The following MGRN1 variants were observed in gnomAD, a reference collection of about 807,000 sequenced individuals.
MGRN1 encodes E3 ubiquitin-protein ligase MGRN1.
Under a neutral mutation model 69.2 loss-of-function variants are expected in MGRN1, and 29 were observed. The observed-to-expected ratio is 0.42, with a 90% CI of 0.31 to 0.57. MGRN1 has a LOEUF of 0.57. Ranked by LOEUF, MGRN1 falls within the 20% of genes least tolerant of loss-of-function variation. The pLI, the probability that MGRN1 is intolerant of heterozygous loss-of-function variation, is 0.15. For missense variants in MGRN1, 998 were observed against 796.2 expected, an observed-to-expected ratio of 1.25 and a Z score of -3.05; for synonymous variants, 470 against 344.2, an observed-to-expected ratio of 1.37 and a Z score of -4.04.
chr16:4,648,034 C>G (rs1596275979), intron 1 of MGRN1, among the ~76,000 whole-genome samples: 1 of 152,158 alleles, frequency 6.6e-6, no homozygotes, highest in East Asian at 1.9e-4. Flanking sequence ...GCCTGAAGGT[C>G]TCAGAATTCC....
chr16:4,671,366 C>T, intron 8 of MGRN1, 25 bp from the exon 9 acceptor site: 1 of 1,612,136 alleles, frequency 6.2e-7, no homozygotes, highest in Non-Finnish European at 8.5e-7. Flanking sequence ...GGCGAGGGCC[C>T]AGTGAGCCCC....
chr16:4,630,365 AAAC>A (rs1345869088), intron 1 of MGRN1, among the ~76,000 whole-genome samples: 9 of 151,772 alleles, frequency 5.9e-5, no homozygotes, highest in Non-Finnish European at 1.2e-4. Flanking sequence ...AAAAAAAAAA[AAAC>A]AAATAGAAAG....
At chr16:4,672,156 G>A (rs532118642) in intron 9 of MGRN1, among the ~76,000 whole-genome samples, 212 of 152,020 alleles carry the variant, frequency 1.4e-3, no homozygotes, top group African/African-American at 4.7e-3. Context: ...CACCCTCCTC[G>A]GCCTCCCAAA....
intron 7 of MGRN1, among the ~76,000 whole-genome samples, 169 bp downstream of exon 7, chr16:4,665,320 G>A (rs904604707): frequency 6.0e-4 from 91 of 152,070 alleles, no homozygotes; most frequent in African/African-American, 2.1e-3. Flanking sequence ...CTAGCATTCT[G>A]GTCCTGAGGC....
chr16:4,678,642 G>A (rs1412001420), intron 11 of MGRN1, among the ~76,000 whole-genome samples: 1 of 152,198 alleles, frequency 6.6e-6, no homozygotes, highest in East Asian at 1.9e-4. Context: ...GGAGCAGAAT[G>A]GGGGAGTTGG....
Position 4,637,306 on chromosome 16 carries a change from T to A in MGRN1, c.88+12258T>A, listed in dbSNP as rs144813217. Reference sequence around the variant, plus strand: ...TTAGCTGGGCATGGTGTTGGGTGCCTGTAATCCTAGCTCCTGGGGAGGCTG... The same window carrying A: ...TTAGCTGGGCATGGTGTTGGGTGCCAGTAATCCTAGCTCCTGGGGAGGCTG... On this transcript the variant is annotated intron_variant, in intron 1 of 16. Coordinates refer to ENST00000262370, the MANE Select transcript of MGRN1 (RefSeq NM_015246.4). Among the ~76,000 whole-genome samples, 581 of 151,778 alleles carry A rather than the reference T, an allele frequency of 3.8e-3. 7 individuals carry two copies. The highest frequency in any genetic ancestry group is 0.013 in the African/African-American group (541 of 41,342).
chr16:4,652,500 G>A (rs1324838346), intron 3 of MGRN1, among the ~76,000 whole-genome samples, 178 bp from the exon 4 acceptor site: 2 of 152,180 alleles, frequency 1.3e-5, no homozygotes, highest in Non-Finnish European at 2.9e-5. Context: ...AAGAAGGAGA[G>A]GCAAGCCCTG....
intron 5 of MGRN1, among the ~76,000 whole-genome samples, chr16:4,663,736 C>A (rs1225839805): frequency 6.6e-6 from 1 of 152,148 alleles, no homozygotes; most frequent in Non-Finnish European, 1.5e-5. Context: ...CAGAGAAGGA[C>A]GTGGCCTGTA....
intron 5 of MGRN1, among the ~76,000 whole-genome samples, chr16:4,661,462 T>G (rs1373304503): frequency 6.6e-6 from 1 of 152,250 alleles, no homozygotes; most frequent in African/African-American, 2.4e-5. Context: ...GACTGTGTGT[T>G]CTGCCAGCCA....
At chr16:4,667,436 C>T (rs1328574387) in intron 7 of MGRN1, among the ~76,000 whole-genome samples, 1 of 152,236 alleles carries the variant, frequency 6.6e-6, no homozygotes, top group Non-Finnish European at 1.5e-5. Context: ...CCCAGCTGCT[C>T]TCCCCGGCCC....
chr16:4,671,863 T>C (rs1361410739), intron 9 of MGRN1, among the ~76,000 whole-genome samples: 1 of 152,168 alleles, frequency 6.6e-6, no homozygotes, highest in Admixed American at 6.5e-5. Flanking sequence ...AAATAAGCCG[T>C]GGTGTACCCC....
chr16:4,668,166 G>T, intron 7 of MGRN1, 99 bp from the exon 8 acceptor site: 4 of 806,306 alleles, frequency 5.0e-6, no homozygotes, highest in South Asian at 2.0e-5. Flanking sequence ...CTGTGGGCAT[G>T]GATTGGCTGG....
chr16:4,686,971 G>GC (rs1206196745), intron 16 of MGRN1: 12 of 985,346 alleles, frequency 1.2e-5, no homozygotes, highest in Non-Finnish European at 1.4e-5. Context: ...AGAGTATCTT[G>GC]CGTCCTGTCC....
chr16:4,663,409 T>C (rs1231364720), intron 5 of MGRN1, among the ~76,000 whole-genome samples: 5 of 146,450 alleles, frequency 3.4e-5, no homozygotes, highest in South Asian at 2.2e-4. Flanking sequence ...TATTGTGTTA[T>C]AATTACCATC....
intron 1 of MGRN1, among the ~76,000 whole-genome samples, chr16:4,636,536 C>G (rs1898301889): frequency 1.3e-5 from 2 of 152,132 alleles, no homozygotes; most frequent in South Asian, 4.2e-4. Context: ...CTGGAGTGGA[C>G]TTGTTGGGGC....
Position 4,643,023 on chromosome 16 carries a change from T to C in MGRN1, c.89-7342T>C, listed in dbSNP as rs142684242. On this transcript the variant is annotated intron_variant, in intron 1 of 16. Transcript: ENST00000262370. Reference sequence around the variant, plus strand: ...CAGGCTAGAGTGAAGTGGCACAATCTCAGCTCACTGCAGCCTCTGCCTCCC... The same window carrying C: ...CAGGCTAGAGTGAAGTGGCACAATCCCAGCTCACTGCAGCCTCTGCCTCCC... 2.2e-4 allele frequency among the ~76,000 whole-genome samples: 33 copies of C among 152,170 alleles called. No individual in the cohort carries two copies. The East Asian group carries it at 6.4e-3, about 29-fold the overall frequency.
intron 10 of MGRN1, among the ~76,000 whole-genome samples, chr16:4,674,626 C>CTTTTTTTTTTTTTTTTTTTTTTTTTTT (rs71139654): frequency 1.3e-4 from 6 of 47,254 alleles, no homozygotes; most frequent in Non-Finnish European, 2.1e-4. Flanking sequence ...CTTTTCTTTT[C>CTTTTTTTTTTTTTTTTTTTTTTTTTTT]TTTTTTTTTT....
intron 8 of MGRN1, among the ~76,000 whole-genome samples, chr16:4,670,491 C>G (rs1036413230): frequency 6.6e-5 from 10 of 152,240 alleles, no homozygotes; most frequent in Non-Finnish European, 1.3e-4. Flanking sequence ...GATCCACCAG[C>G]CTCGGCCTCC....
chr16:4,665,154 A>C lies in MGRN1; in HGVS notation c.678+3A>C. 1.2e-6 allele frequency: 2 copies of C among 1,614,020 alleles called. No individual in the cohort carries two copies. The highest frequency in any genetic ancestry group is 1.7e-6 in the Non-Finnish European group (2 of 1,179,986). On this transcript the variant is annotated splice_donor_region_variant and intron_variant, in intron 7 of 16. Transcript: ENST00000262370. ...TGCTCTTGGCTGCCTTTGAAAAGGT[A>C]AGTGCCATCTGGCCATCACTTTCCC...
Sources: gnomAD v4.1 joint callset for allele counts (sites outside exome capture counted in the v4.1 genomes callset) on GRCh38, gnomAD v4.1.1 for gene constraint, MANE v1.5 for transcripts, NCBI Gene and HGNC (gene_info 2026-07-23, HGNC 2026-07-21) for gene names.